Variants in ARHGAP26 observed in about 807,000 individuals in gnomAD.
ARHGAP26 encodes the protein Rho GTPase activating protein 26.
In ARHGAP26, 38 loss-of-function variants were observed where a neutral mutation model predicts 104.8. That is an observed-to-expected ratio of 0.36 (90% CI 0.28 to 0.48). The LOEUF is 0.48. Among genes scored for constraint, ARHGAP26 ranks in the 20% least tolerant of loss-of-function variants. The pLI, the probability that ARHGAP26 is intolerant of heterozygous loss-of-function variation, is 0.99. For synonymous variants in ARHGAP26, 341 were observed against 340.0 expected (o/e 1.00, Z -0.03); for missense variants, 704 against 947.9 (o/e 0.74, Z 3.38).
At chr5:143,217,480 G>A (rs1015544440) in intron 22 of ARHGAP26, among the ~76,000 whole-genome samples, 14 of 152,172 alleles carry the variant, frequency 9.2e-5, no homozygotes, top group Admixed American at 9.2e-4. Flanking sequence ...AGCATGATTC[G>A]TGATACCTGG....
chr5:143,037,302 C>T, intron 13 of ARHGAP26, 41 bp downstream of exon 13: 1 of 1,523,572 alleles, frequency 6.6e-7, no homozygotes, highest in Non-Finnish European at 9.0e-7. Context: ...CATAGAAGGT[C>T]ACGCATCTGG....
At chr5:143,183,101 A>AT (rs1490539838) in intron 20 of ARHGAP26, among the ~76,000 whole-genome samples, 5 of 147,786 alleles carry the variant, frequency 3.4e-5, no homozygotes, top group Non-Finnish European at 7.4e-5. Flanking sequence ...AGAAAAAAAA[A>AT]CCTCATTTCC....
At chr5:142,886,180 A>T (rs27546) in intron 5 of ARHGAP26, among the ~76,000 whole-genome samples, 43,405 of 151,850 alleles carry the variant, frequency 0.29, 6,641 homozygotes, top group South Asian at 0.56. Flanking sequence ...AGTTTGCTTG[A>T]CCTCTGTCAT....
intron 10 of ARHGAP26, among the ~76,000 whole-genome samples, chr5:142,916,349 A>G (rs1762483663): frequency 1.3e-5 from 2 of 152,176 alleles, no homozygotes; most frequent in Admixed American, 6.5e-5. Context: ...TAGGAGGTCA[A>G]TATTGTGAGT....
At chr5:143,030,700 G>A (rs1781719626) in intron 12 of ARHGAP26, among the ~76,000 whole-genome samples, 1 of 152,232 alleles carries the variant, frequency 6.6e-6, no homozygotes, top group South Asian at 2.1e-4. Context: ...TTGACACACT[G>A]CCCCTCGGCA....
At chr5:142,976,901 G>A (rs1452239869) in intron 11 of ARHGAP26, among the ~76,000 whole-genome samples, 1 of 152,178 alleles carries the variant, frequency 6.6e-6, no homozygotes. Context: ...ACCAGGAGAA[G>A]CTCCTGGTCT....
intron 11 of ARHGAP26, among the ~76,000 whole-genome samples, chr5:142,985,804 G>A (rs939190022): frequency 1.3e-5 from 2 of 151,852 alleles, no homozygotes; most frequent in African/African-American, 4.8e-5. Context: ...ATTGTTTCCA[G>A]CTTCATCCAT....
chr5:143,085,072 C>T (rs972786177), intron 17 of ARHGAP26, among the ~76,000 whole-genome samples: 9 of 145,528 alleles, frequency 6.2e-5, no homozygotes, highest in East Asian at 6.1e-4. Flanking sequence ...AAAAAAGAAA[C>T]GCTTTCTGCA....
chr5:142,784,199 C>G (rs1758079443), intron 1 of ARHGAP26, among the ~76,000 whole-genome samples: 1 of 152,238 alleles, frequency 6.6e-6, no homozygotes, highest in South Asian at 2.1e-4. Context: ...CCTGTTTCCT[C>G]TTACGTAGCC....
At chr5:142,994,282 C>T (rs932640295) in intron 11 of ARHGAP26, among the ~76,000 whole-genome samples, 1 of 152,272 alleles carries the variant, frequency 6.6e-6, no homozygotes, top group Non-Finnish European at 1.5e-5. Context: ...AGAAATATGG[C>T]AACACAGATT....
At chr5:143,008,781 C>T (rs1017348701) in intron 11 of ARHGAP26, among the ~76,000 whole-genome samples, 2 of 152,154 alleles carry the variant, frequency 1.3e-5, no homozygotes, top group African/African-American at 4.8e-5. Flanking sequence ...ATTTGAAAAA[C>T]AAGCCTCTCT....
intron 1 of ARHGAP26, among the ~76,000 whole-genome samples, chr5:142,849,939 T>A (rs1020766200): frequency 1.3e-5 from 2 of 152,124 alleles, no homozygotes; most frequent in African/African-American, 4.8e-5. Flanking sequence ...ACGGGTGTTC[T>A]TCTGCACACA....
intron 1 of ARHGAP26, among the ~76,000 whole-genome samples, chr5:142,835,928 C>A (rs1597835946): frequency 6.6e-6 from 1 of 152,094 alleles, no homozygotes; most frequent in Non-Finnish European, 1.5e-5. Context: ...AGTATTACAC[C>A]CATTTTATAT....
At chr5:142,900,228 AGTATTTT>A (rs1760102710) in intron 6 of ARHGAP26, among the ~76,000 whole-genome samples, 1 of 152,188 alleles carries the variant, frequency 6.6e-6, no homozygotes, top group Non-Finnish European at 1.5e-5. Context: ...CTCTCAGAAA[AGTATTTT>A]GTATAGAATA....
At chr5:142,969,121 T>C (rs865526) in intron 11 of ARHGAP26, among the ~76,000 whole-genome samples, 1 of 152,012 alleles carries the variant, frequency 6.6e-6, no homozygotes, top group East Asian at 1.9e-4. Context: ...TATTATTATT[T>C]ATAGAGAAGG....
At chr5:142,930,576 C>T (rs1028556964) in intron 10 of ARHGAP26, among the ~76,000 whole-genome samples, 3 of 152,004 alleles carry the variant, frequency 2.0e-5, no homozygotes, top group African/African-American at 7.3e-5. Flanking sequence ...CTGCCCACGC[C>T]TCCCACCCAC....
At chr5:142,973,925 G>T (rs1407943201) in intron 11 of ARHGAP26, among the ~76,000 whole-genome samples, 1 of 152,172 alleles carries the variant, frequency 6.6e-6, no homozygotes. Context: ...TTTGTTGCTG[G>T]TTTCTAACCA....
chr5:142,937,936 G>A (rs2152550631), intron 11 of ARHGAP26, among the ~76,000 whole-genome samples: 2 of 152,206 alleles, frequency 1.3e-5, no homozygotes, highest in South Asian at 4.2e-4. Flanking sequence ...TCGTGGTGAT[G>A]GAATAGTTCT....
chr5:143,177,729 T>C (rs1243960774), intron 20 of ARHGAP26, among the ~76,000 whole-genome samples: 1 of 152,204 alleles, frequency 6.6e-6, no homozygotes, highest in African/African-American at 2.4e-5. Context: ...ACCCAAATCA[T>C]AGCACTTGGC....
Sources: gnomAD v4.1 joint callset for allele counts (sites outside exome capture counted in the v4.1 genomes callset) on GRCh38, gnomAD v4.1.1 for gene constraint, MANE v1.5 for transcripts, NCBI Gene and HGNC (gene_info 2026-07-23, HGNC 2026-07-21) for gene names.